The following MMEL1 variants were observed in gnomAD, a reference collection of about 807,000 sequenced individuals.
The protein encoded by MMEL1 is membrane metallo-endopeptidase-like 1.
A neutral mutation model predicts 117.1 loss-of-function variants in MMEL1; 98 were observed. The observed-to-expected ratio is 0.84, with a 90% CI of 0.71 to 0.99. The LOEUF (loss-of-function observed/expected upper bound fraction) is 0.99. MMEL1 is among the 50% of genes least tolerant of loss of function. MMEL1 has a pLI of 0.00. For missense variants in MMEL1, 1,014 were observed against 1,049.1 expected (o/e 0.97, Z 0.46); for synonymous variants, 390 against 415.1 (o/e 0.94, Z 0.74).
intron 2 of MMEL1, among the ~76,000 whole-genome samples, chr1:2,627,556 G>A (rs954524062): frequency 1.3e-5 from 2 of 152,032 alleles, no homozygotes; most frequent in Non-Finnish European, 2.9e-5. Flanking sequence ...AGCAAGCCCA[G>A]CAAATATCAA....
Position 2,590,892 on chromosome 1 carries a change from G to T in MMEL1, c.*98C>A. ...GCAGGCAGGCTTGGCATGGTTGGCC[G>T]GGGCGGGACGTACACTGGGTCGCCG... On this transcript the variant is annotated 3_prime_UTR_variant, in exon 24 of 24. Coordinates refer to ENST00000378412, the MANE Select transcript of MMEL1 (RefSeq NM_033467.4). 2 of 970,292 alleles carry T rather than the reference G, an allele frequency of 2.1e-6. No individual in the cohort carries two copies. The highest frequency in any genetic ancestry group is 2.8e-6 in the Non-Finnish European group (2 of 721,334). 60.1% of individuals were successfully genotyped at this position (970,292 alleles called of 1,614,324 possible).
chr1:2,596,797 G>A (rs1644849669), intron 13 of MMEL1, 108 bp from the exon 14 acceptor site: 22 of 1,345,464 alleles, frequency 1.6e-5, no homozygotes, highest in African/African-American at 4.4e-5. Context: ...CTCAGCCTCA[G>A]GGTGCCCCGG....
chr1:2,621,178 G>A (rs935006325), intron 2 of MMEL1, among the ~76,000 whole-genome samples: 2 of 152,146 alleles, frequency 1.3e-5, no homozygotes, highest in Non-Finnish European at 2.9e-5. Context: ...CCAGCTACTT[G>A]GGAGGCTGAG....
At chr1:2,629,301 G>C (rs1254748670) in intron 2 of MMEL1, 30 bp downstream of exon 2, 1 of 1,515,082 alleles carries the variant, frequency 6.6e-7, no homozygotes, top group African/African-American at 1.4e-5. Context: ...CGGGCACGGG[G>C]ACAGGCGGGG....
At chr1:2,597,550 C>T (rs950770485) in intron 13 of MMEL1, among the ~76,000 whole-genome samples, 5 of 152,150 alleles carry the variant, frequency 3.3e-5, no homozygotes, top group African/African-American at 9.7e-5. Context: ...AAGCCTGTCA[C>T]CTCACCTGGG....
intron 2 of MMEL1, among the ~76,000 whole-genome samples, chr1:2,615,946 A>G (rs1645193535): frequency 1.3e-5 from 2 of 152,222 alleles, no homozygotes; most frequent in South Asian, 4.1e-4. Context: ...CAAGCTGGGC[A>G]AATACAAAGA....
At chr1:2,621,447 C>T (rs972525445) in intron 2 of MMEL1, among the ~76,000 whole-genome samples, 6 of 152,220 alleles carry the variant, frequency 3.9e-5, no homozygotes, top group African/African-American at 1.4e-4. Flanking sequence ...ACATTCCCTT[C>T]TATTGGTTCC....
intron 2 of MMEL1, among the ~76,000 whole-genome samples, chr1:2,615,375 C>A (rs1040924074): frequency 1.3e-5 from 2 of 152,214 alleles, no homozygotes; most frequent in Non-Finnish European, 2.9e-5. Context: ...CCAGTCTAAT[C>A]ATGAGAAAAC....
chr1:2,613,596 G>GA (rs1419503695), intron 2 of MMEL1, among the ~76,000 whole-genome samples: 4 of 152,194 alleles, frequency 2.6e-5, no homozygotes, highest in African/African-American at 9.7e-5. Context: ...AAACCAGCAT[G>GA]AGTCAAATTC....
chr1:2,612,046 G>T lies in MMEL1; in HGVS notation c.232+81C>A. On this transcript the variant is annotated intron_variant, in intron 3 of 23. Transcript: ENST00000378412. This position sits in a 1 kb window ranked among gnomAD's most constrained non-coding sequence, Gnocchi z 5.4. Reference sequence around the variant, plus strand: ...GAGGGTTGGGCAGAACCCAGCCCCTGCCCCTCCACGGAGTCCCCCCACCTT... The same window carrying T: ...GAGGGTTGGGCAGAACCCAGCCCCTTCCCCTCCACGGAGTCCCCCCACCTT... 1 of 1,228,730 alleles carries T rather than the reference G, an allele frequency of 8.1e-7. No individual in the cohort carries two copies. The highest frequency in any genetic ancestry group is 1.2e-6 in the Non-Finnish European group (1 of 854,208). The allele number at this position is 1,228,730 out of a possible 1,614,324, so 76.1% of individuals were successfully genotyped here. A position where few individuals can be genotyped will look rare whatever the true frequency, so the allele number is the denominator to read the frequency against.
In MMEL1 at chr1:2,606,246, AC is replaced by A; in HGVS notation, c.750+1del. 6.2e-7 allele frequency: 1 copy of A among 1,612,234 alleles called. No homozygotes were observed. On this transcript the variant is annotated splice_donor_variant, in intron 8 of 23. Transcript: ENST00000378412. LOFTEE classifies it high-confidence loss of function. ...ACCCCTGCCCACCGGCGCGGCTCGT[AC>A]GTAGATGATGTGCCGGCTGGAGTTC...
intron 2 of MMEL1, among the ~76,000 whole-genome samples, chr1:2,621,704 C>T (rs1425023553): frequency 6.6e-6 from 1 of 152,162 alleles, no homozygotes; most frequent in Non-Finnish European, 1.5e-5. Flanking sequence ...GCTGGGATTA[C>T]AGGCATCCGC....
intron 2 of MMEL1, among the ~76,000 whole-genome samples, chr1:2,624,668 T>C (rs958251418): frequency 2.0e-5 from 3 of 152,232 alleles, no homozygotes; most frequent in African/African-American, 7.2e-5. Context: ...ATATTACTAA[T>C]GACAGCAATA....
chr1:2,607,030 A>G lies in MMEL1; in HGVS notation c.575T>C (p.Ile192Thr), dbSNP rs1472804380. Residue 192 changes from isoleucine (I) to threonine (T), a missense_variant, in exon 7 of 24, where the codon ATC becomes ACC. Ile to Thr is a moderately conservative substitution (Grantham distance 89). Coordinates refer to ENST00000378412, the MANE Select transcript of MMEL1 (RefSeq NM_033467.4). ...EKRGSQPLLD[I>T]LEVVGGWPVA... ...CGGCCAGCCTCCCACCACCTCCAAGATGTCCAGCAGGGGCTGAGAGCCTCG... is the reference window on the plus strand; with the variant it reads ...CGGCCAGCCTCCCACCACCTCCAAGGTGTCCAGCAGGGGCTGAGAGCCTCG... The G allele has an allele frequency of 6.2e-7, 1 of 1,613,338 alleles. No individual in the cohort carries two copies. The highest frequency in any genetic ancestry group is 1.3e-5 in the African/African-American group (1 of 74,932).
At chr1:2,603,531 C>T (rs947948393) in intron 11 of MMEL1, among the ~76,000 whole-genome samples, 5 of 152,150 alleles carry the variant, frequency 3.3e-5, no homozygotes, top group Non-Finnish European at 7.4e-5. Flanking sequence ...AGGTTCTGAG[C>T]GGGACTTGGG....
At chr1:2,604,121 CT>C in intron 10 of MMEL1, 25 bp downstream of exon 10, 37 of 1,468,244 alleles carry the variant, frequency 2.5e-5, no homozygotes, top group Middle Eastern at 1.9e-4. Context: ...TCGCTGCCCG[CT>C]CCCCACCCGC....
At chr1:2,628,325 C>A (rs904876480) in intron 2 of MMEL1, among the ~76,000 whole-genome samples, 1 of 152,240 alleles carries the variant, frequency 6.6e-6, no homozygotes, top group Non-Finnish European at 1.5e-5. Context: ...AGGCAGCACC[C>A]ACTTCTGCTT....
Position 2,604,212 on chromosome 1 carries a change from TG to T in MMEL1, c.885del (p.Arg296GlyfsTer51), listed in dbSNP as rs552991100. The T allele has an allele frequency of 5.2e-5, 83 of 1,601,264 alleles. 1 individual carries two copies. The highest frequency in any genetic ancestry group is 4.5e-5 in the Non-Finnish European group (53 of 1,173,310). On this transcript the variant is annotated frameshift_variant, in exon 10 of 24. Transcript: ENST00000378412. LOFTEE classifies it high-confidence loss of function. ...ATLLREDANL[P>X]RDSCLVQEDM... ...TCCTCCTGCACCAGGCAGCTGTCCC[TG>T]GGCAGGTTTGCATCCTCCCGCAGCA...
intron 13 of MMEL1, among the ~76,000 whole-genome samples, 179 bp from the exon 14 acceptor site, chr1:2,596,868 A>C (rs1427451156): frequency 2.0e-5 from 3 of 152,002 alleles, no homozygotes; most frequent in African/African-American, 4.8e-5. Context: ...GGCGGGGGGA[A>C]GGATGGGCAT....
Sources: gnomAD v4.1 joint callset for allele counts (sites outside exome capture counted in the v4.1 genomes callset) on GRCh38, gnomAD v4.1.1 for gene constraint, Gnocchi (gnomAD v3.1) non-coding constraint, MANE v1.5 for transcripts, NCBI Gene and HGNC (gene_info 2026-07-23, HGNC 2026-07-21) for gene names.